NUTM2B: variants seen among roughly 807,000 people sequenced by gnomAD.
NUTM2B encodes NUT family member 2B.
Under a neutral mutation model 42.4 loss-of-function variants are expected in NUTM2B, and 2 were observed. The observed-to-expected ratio is 0.05, with a 90% CI of 0.02 to 0.15. The LOEUF is 0.15. Ranked by LOEUF, NUTM2B falls within the 10% of genes least tolerant of loss-of-function variation. NUTM2B has a pLI of 1.00. For missense variants in NUTM2B, 58 were observed against 952.6 expected (o/e 0.06, Z 12.36); for synonymous variants, 18 against 402.4 (o/e 0.04, Z 11.43).
At chr10:79,700,125 T>C (rs1231183775), upstream of NUTM2B, among the ~76,000 whole-genome samples, 1 of 152,220 alleles carries the variant, frequency 6.6e-6, no homozygotes, top group African/African-American at 2.4e-5. Flanking sequence ...CACAACCAAC[T>C]TGTGCTACCA....
At chr10:79,702,252 T>C (rs1181344913), upstream of NUTM2B, among the ~76,000 whole-genome samples, 1 of 152,118 alleles carries the variant, frequency 6.6e-6, no homozygotes, top group African/African-American at 2.4e-5. Context: ...GGCAGTTCTG[T>C]CTCAGAGGAC....
At chr10:79,692,758 C>G in the NUTM2B span, among the ~76,000 whole-genome samples, 6 of 152,216 alleles carry the variant, frequency 3.9e-5, no homozygotes, top group African/African-American at 1.4e-4. Flanking sequence ...GGGATACCTC[C>G]AGCTACATTT....
intron 2 of NUTM2B, among the ~76,000 whole-genome samples, chr10:79,707,455 C>T (rs1332422336): frequency 7.8e-6 from 1 of 128,216 alleles, no homozygotes; most frequent in Non-Finnish European, 1.6e-5. Flanking sequence ...AAGACTAGGC[C>T]ATCTAGGAGA....
At chr10:79,696,604 C>A in the NUTM2B span, among the ~76,000 whole-genome samples, 2 of 152,136 alleles carry the variant, frequency 1.3e-5, no homozygotes, top group East Asian at 3.9e-4. Flanking sequence ...ACAAGGAGGT[C>A]CTGCAGTAAG....
At chr10:79,696,221 G>A in the NUTM2B span, among the ~76,000 whole-genome samples, 6 of 149,526 alleles carry the variant, frequency 4.0e-5, no homozygotes, top group East Asian at 2.1e-4. Context: ...GGAAAGCCTA[G>A]AATTGTGATG....
chr10:79,699,978 C>T (rs1168907005), upstream of NUTM2B, among the ~76,000 whole-genome samples: 6 of 152,374 alleles, frequency 3.9e-5, no homozygotes, highest in Admixed American at 3.9e-4. Flanking sequence ...AGATAACACA[C>T]GTGTGTGCAG....
intron 3 of NUTM2B, among the ~76,000 whole-genome samples, chr10:79,709,581 G>A (rs1476135326): frequency 7.6e-6 from 1 of 131,282 alleles, no homozygotes; most frequent in Non-Finnish European, 1.6e-5. Context: ...GAGTCAGGAA[G>A]CCCCGTTGAT....
At chr10:79,699,605 G>T (rs1283209158), upstream of NUTM2B, among the ~76,000 whole-genome samples, 2 of 152,190 alleles carry the variant, frequency 1.3e-5, no homozygotes, top group African/African-American at 4.8e-5. Context: ...ACCACACCCA[G>T]CTAATTTTTG....
chr10:79,693,267 CCTCA>C, the NUTM2B span, among the ~76,000 whole-genome samples: 1 of 152,186 alleles, frequency 6.6e-6, no homozygotes, highest in Non-Finnish European at 1.5e-5. Context: ...TCCTCAGTGG[CCTCA>C]CTGTTTCCTT....
chr10:79,701,105 TG>T, upstream of NUTM2B, among the ~76,000 whole-genome samples: 1 of 152,304 alleles, frequency 6.6e-6, no homozygotes. Flanking sequence ...TCCCTTTGGA[TG>T]GCATTGATTT....
At chr10:79,700,022 C>T (rs1406437393), upstream of NUTM2B, among the ~76,000 whole-genome samples, 1 of 152,262 alleles carries the variant, frequency 6.6e-6, no homozygotes, top group East Asian at 1.9e-4. Flanking sequence ...CTACAATTTA[C>T]AAATAATATA....
At chr10:79,692,547 C>T in the NUTM2B span, among the ~76,000 whole-genome samples, 1 of 152,194 alleles carries the variant, frequency 6.6e-6, no homozygotes, top group Non-Finnish European at 1.5e-5. Context: ...GCAGAGAAGA[C>T]ATTTCATACA....
the NUTM2B span, among the ~76,000 whole-genome samples, chr10:79,698,130 C>G: frequency 2.0e-5 from 3 of 149,054 alleles, no homozygotes; most frequent in African/African-American, 7.4e-5. Flanking sequence ...CCCATGAATA[C>G]ACACCTCACC....
upstream of NUTM2B, among the ~76,000 whole-genome samples, chr10:79,699,532 T>A (rs1840275628): frequency 6.6e-6 from 1 of 152,242 alleles, no homozygotes; most frequent in African/African-American, 2.4e-5. Flanking sequence ...AAACTCCGCC[T>A]CTTGGGTTCA....
the NUTM2B span, among the ~76,000 whole-genome samples, chr10:79,694,032 AC>A: frequency 6.6e-6 from 1 of 152,206 alleles, no homozygotes; most frequent in African/African-American, 2.4e-5. Context: ...CACCTCCATC[AC>A]GTGGCTCCCT....
chr10:79,700,447 TCA>T (rs1477520753), upstream of NUTM2B, among the ~76,000 whole-genome samples: 1 of 152,230 alleles, frequency 6.6e-6, no homozygotes, highest in Non-Finnish European at 1.5e-5. Context: ...CCCCCTCACT[TCA>T]GGGCCAGGTG....
chr10:79,700,392 A>ACGGC (rs1408003881), upstream of NUTM2B, among the ~76,000 whole-genome samples: 2 of 152,268 alleles, frequency 1.3e-5, no homozygotes, highest in East Asian at 3.8e-4. Flanking sequence ...TGTGAAAGGC[A>ACGGC]CGGCCGAGAC....
chr10:79,696,832 C>T, the NUTM2B span, among the ~76,000 whole-genome samples: 106 of 151,740 alleles, frequency 7.0e-4, no homozygotes, highest in African/African-American at 2.4e-3. Context: ...AACAGTGACA[C>T]CCCTTCCCAC....
upstream of NUTM2B, among the ~76,000 whole-genome samples, chr10:79,701,325 C>T (rs956932334): frequency 4.6e-5 from 7 of 152,002 alleles, no homozygotes; most frequent in African/African-American, 1.2e-4. Context: ...CAATTTCAGT[C>T]GATAAAGCAG....
Sources: gnomAD v4.1 joint callset for allele counts (sites outside exome capture counted in the v4.1 genomes callset) on GRCh38, gnomAD v4.1.1 for gene constraint, MANE v1.5 for transcripts, NCBI Gene and HGNC (gene_info 2026-07-23, HGNC 2026-07-21) for gene names.